PRMT7: variants seen among roughly 807,000 people sequenced by gnomAD.
PRMT7 encodes protein arginine N-methyltransferase 7.
In PRMT7, 75 loss-of-function variants were observed where a neutral mutation model predicts 85.4. The ratio of observed to expected loss-of-function variants is 0.88; its 90% CI spans 0.73 to 1.06. The LOEUF (loss-of-function observed/expected upper bound fraction) is 1.06, where lower values mean the gene tolerates loss of function less well. Among genes scored for constraint, PRMT7 ranks in the 50% least tolerant of loss-of-function variants. The pLI, the probability that PRMT7 is intolerant of heterozygous loss-of-function variation, is 0.00. For missense variants in PRMT7, 868 were observed against 915.2 expected, an observed-to-expected ratio of 0.95 and a Z score of 0.67; for synonymous variants, 397 against 359.5, an observed-to-expected ratio of 1.10 and a Z score of -1.18.
chr16:68,343,774 C>G (rs2085898524), intron 9 of PRMT7, among the ~76,000 whole-genome samples: 1 of 152,166 alleles, frequency 6.6e-6, no homozygotes, highest in Non-Finnish European at 1.5e-5. Flanking sequence ...TTTTCATTTT[C>G]TAGTTTTTAT....
rs367926671 is a variant in PRMT7 at position 68,332,112 on chromosome 16, C to T, written c.391+2938C>T. Among the ~76,000 whole-genome samples the T allele has an allele frequency of 1.0e-3, 154 of 152,306 alleles. 4 individuals carry two copies. The South Asian group carries it at 0.03, about 30-fold the overall frequency. On this transcript the variant is annotated intron_variant, in intron 6 of 18. Coordinates refer to ENST00000441236, the MANE Select transcript of PRMT7 (RefSeq NM_019023.5). ...GGGTTACTTGCAGTTCAGATTGATCCTTTCAGGGCTTGTTTAAGCTTTCTT... is the reference window on the plus strand; with the variant it reads ...GGGTTACTTGCAGTTCAGATTGATCTTTTCAGGGCTTGTTTAAGCTTTCTT...
At chr16:68,320,062 T>C (rs1269587252) in intron 3 of PRMT7, among the ~76,000 whole-genome samples, 1 of 152,160 alleles carries the variant, frequency 6.6e-6, no homozygotes, top group Admixed American at 6.5e-5. Flanking sequence ...TGTGAGTGCT[T>C]CTCTTTCCCC....
chr16:68,318,204 CT>C (rs67973024), intron 3 of PRMT7, among the ~76,000 whole-genome samples: 32 of 143,756 alleles, frequency 2.2e-4, no homozygotes, highest in Non-Finnish European at 2.4e-4. Flanking sequence ...ACTTTTTTTT[CT>C]TTTTTTTTTT....
intron 14 of PRMT7, 185 bp from the exon 15 acceptor site, chr16:68,352,063 G>A (rs1034339255): frequency 3.1e-5 from 19 of 604,326 alleles, no homozygotes; most frequent in Non-Finnish European, 5.4e-5. Context: ...CTTGTTTGTT[G>A]ACTGAGGGAG....
chr16:68,344,489 T>C (rs186264193), intron 9 of PRMT7, among the ~76,000 whole-genome samples: 1 of 152,340 alleles, frequency 6.6e-6, no homozygotes, highest in East Asian at 1.9e-4. Context: ...AAGATGTCTG[T>C]CCGTATTCTG....
At chr16:68,343,782 T>A (rs2085899847) in intron 9 of PRMT7, among the ~76,000 whole-genome samples, 1 of 152,244 alleles carries the variant, frequency 6.6e-6, no homozygotes, top group East Asian at 1.9e-4. Context: ...TTCTAGTTTT[T>A]ATGTTCAAGT....
intron 15 of PRMT7, 182 bp downstream of exon 15, chr16:68,352,591 G>A (rs1049163519): frequency 5.7e-6 from 3 of 523,508 alleles, no homozygotes; most frequent in East Asian, 3.3e-5. Context: ...TAAAAAATGC[G>A]ATAATTTGAC....
At position 68,339,916 on chromosome 16, in the gene PRMT7, T is replaced by A; in HGVS notation, c.875T>A (p.Ile292Asn). The A allele has an allele frequency of 6.2e-7, 1 of 1,614,068 alleles. No homozygotes were observed. Among genetic ancestry groups the A allele is most frequent in the Non-Finnish European group, 8.5e-7 (1 of 1,180,014 alleles). Residue 292 changes from isoleucine to asparagine, a missense_variant, in exon 9 of 19, where the codon ATC (isoleucine) becomes AAC (asparagine). By Grantham distance (149) the Ile-to-Asn change is moderately radical. Transcript: ENST00000441236. ...WDIEMDPEGK[I>N]KCTMAPFWAH... ...ATTGAAATGGACCCTGAGGGGAAGA[T>A]CAAGTGCACCATGGCCCCCTTCTGG...
downstream of PRMT7, chr16:68,360,202 C>T (rs1000886459): frequency 6.6e-6 from 1 of 152,538 alleles, no homozygotes; most frequent in Non-Finnish European, 1.5e-5. Flanking sequence ...GGGATTGGTC[C>T]CGAACCAGAG....
chr16:68,314,865 C>A (rs1364412627), intron 2 of PRMT7, among the ~76,000 whole-genome samples: 1 of 152,110 alleles, frequency 6.6e-6, no homozygotes, highest in Non-Finnish European at 1.5e-5. Context: ...AATCTGGTGA[C>A]ATTTTACTTG....
intron 4 of PRMT7, chr16:68,321,735 T>C (rs1003504174): frequency 2.9e-6 from 1 of 339,160 alleles, no homozygotes; most frequent in East Asian, 4.6e-5. Flanking sequence ...TGTAAAATGA[T>C]TGAATCAAGC....
intron 2 of PRMT7, chr16:68,315,596 G>A (rs1036974985): frequency 1.5e-4 from 41 of 278,228 alleles, no homozygotes; most frequent in African/African-American, 9.5e-4. Flanking sequence ...GAACTTGTGA[G>A]GCTCATTTGA....
intron 16 of PRMT7, 146 bp downstream of exon 16, chr16:68,353,712 T>C: frequency 1.5e-6 from 1 of 674,434 alleles, no homozygotes; most frequent in Non-Finnish European, 2.3e-6. Flanking sequence ...AACATGAGCA[T>C]TGCTTGGTAC....
In PRMT7 at chr16:68,348,344, C is replaced by G; in HGVS notation, c.1326C>G (p.Ile442Met). The part of the protein sequence containing the change: ...SAASHKLLRK[I>M]FKANHLEDKI... ...AATTTTACGGTTTTCTTTCTAAGAT[C>G]TTCAAGGCTAACCACTTGGAAGATA... The change falls in exon 14 of 19, where the codon ATC becomes ATG. Residue 442 changes from isoleucine (I) to methionine (M), a missense_variant and splice_region_variant. Ile to Met is a conservative substitution (Grantham distance 10). Transcript: ENST00000441236. The G allele has an allele frequency of 6.3e-7, 1 of 1,597,516 alleles. No homozygotes were observed. Among genetic ancestry groups the G allele is most frequent in the Non-Finnish European group, 8.6e-7 (1 of 1,165,450 alleles).
chr16:68,318,491 A>G (rs1420139082), intron 3 of PRMT7, among the ~76,000 whole-genome samples: 1 of 151,430 alleles, frequency 6.6e-6, no homozygotes, highest in Non-Finnish European at 1.5e-5. Flanking sequence ...GAGCCACTGC[A>G]CCTGCCCAGG....
chr16:68,325,011 A>G, intron 5 of PRMT7, 179 bp downstream of exon 5: 2 of 725,966 alleles, frequency 2.8e-6, no homozygotes, highest in Non-Finnish European at 4.3e-6. Flanking sequence ...TCCAGGAGCT[A>G]ATTTTCTCCT....
At chr16:68,335,406 T>C (rs1295524709) in intron 6 of PRMT7, among the ~76,000 whole-genome samples, 1 of 151,938 alleles carries the variant, frequency 6.6e-6, no homozygotes, top group Non-Finnish European at 1.5e-5. Context: ...GCAGGCGTGT[T>C]AGCTGGGGTG....
Position 68,312,185 on chromosome 16 carries a change from T to A in PRMT7, c.-84+9T>A, listed in dbSNP as rs1169674080. 6.9e-6 allele frequency: 1 copy of A among 145,672 alleles called. No individual in the cohort carries two copies. The highest frequency in any genetic ancestry group is 2.5e-5 in the African/African-American group (1 of 39,626). 9.0% of individuals were successfully genotyped at this position (145,672 alleles called of 1,614,324 possible). A position where few individuals can be genotyped will look rare whatever the true frequency, so the allele number is the denominator to read the frequency against. On this transcript the variant is annotated intron_variant, in intron 2 of 18. Transcript: ENST00000441236. ...CGCGCCACTACACTCGGGTAATTTT[T>A]AATTTTAATATATGTATATTTATAT...
chr16:68,346,389 G>A (rs1288902426), intron 11 of PRMT7, 109 bp downstream of exon 11: 1 of 1,503,502 alleles, frequency 6.7e-7, no homozygotes, highest in African/African-American at 1.4e-5. Flanking sequence ...GTGTCCTCTT[G>A]TCTATGAGTG....
Sources: allele counts gnomAD v4.1 joint callset (sites outside exome capture counted in the v4.1 genomes callset), GRCh38; gene constraint gnomAD v4.1.1; transcripts MANE v1.5; gene names NCBI Gene and HGNC (gene_info 2026-07-23, HGNC 2026-07-21).